Variants in TDRKH observed in about 807,000 individuals in gnomAD.
TDRKH encodes the protein tudor and KH domain containing.
TDRKH carries 28 observed loss-of-function variants against 61.3 expected under a neutral mutation model. The observed-to-expected ratio is 0.46, with a 90% CI of 0.34 to 0.63. The LOEUF is 0.63. TDRKH is among the 20% of genes least tolerant of loss of function. The pLI is 0.01. For missense variants in TDRKH, 540 were observed against 683.4 expected, an observed-to-expected ratio of 0.79 and a Z score of 2.34; for synonymous variants, 219 against 244.4, an observed-to-expected ratio of 0.90 and a Z score of 0.97.
chr1:151,780,143 G>A lies in TDRKH; in HGVS notation c.232-3C>T. On this transcript the variant is annotated splice_polypyrimidine_tract_variant and splice_region_variant and intron_variant, in intron 3 of 12. Transcript: ENST00000368824. ...CGAGCACCTGTCTGTTTCCGCAGCT[G>A]CAAAGAAAAGGACATTTGGCAGTAC... The A allele has an allele frequency of 1.2e-6, 2 of 1,608,036 alleles. No homozygotes were observed. The highest frequency in any genetic ancestry group is 1.7e-6 in the Non-Finnish European group (2 of 1,174,958).
downstream of TDRKH, chr1:151,767,098 T>C (rs1648391183): frequency 6.3e-7 from 1 of 1,589,390 alleles, no homozygotes; most frequent in Non-Finnish European, 8.6e-7. Flanking sequence ...TGCCAGAGCC[T>C]GGTACTGTGT....
intron 11 of TDRKH, 79 bp from the exon 12 acceptor site, chr1:151,774,885 T>C (rs1380232411): frequency 7.9e-6 from 12 of 1,517,326 alleles, no homozygotes; most frequent in South Asian, 7.9e-5. Context: ...ATTCTTCTCA[T>C]AGGACCTGGT....
intron 4 of TDRKH, 74 bp from the exon 5 acceptor site, chr1:151,779,316 G>T: frequency 1.3e-6 from 2 of 1,545,546 alleles, no homozygotes; most frequent in Non-Finnish European, 1.7e-6. Flanking sequence ...TCACTGTTTT[G>T]TATATACTAG....
In TDRKH at chr1:151,775,942, C is replaced by T. The variant is rs145678897; in HGVS notation, c.1218-58G>A. The stretch of plus-strand genomic sequence containing the variant: ...GGGCCAAAAACATCTTCTTACATTG[C>T]TGCTTTCAGAAAGAACCAACTAACA... On this transcript the variant is annotated intron_variant, in intron 8 of 12. Transcript: ENST00000368824. The T allele has an allele frequency of 4.9e-4, 780 of 1,593,118 alleles. 3 individuals carry two copies. In the African/African-American group the frequency reaches 8.9e-3, roughly 18 times the overall value.
chr1:151,769,264 A>AG (rs2101557972), downstream of TDRKH: 1 of 132,388 alleles, frequency 7.6e-6, no homozygotes, highest in South Asian at 2.5e-4. Context: ...CACCTCCCGG[A>AG]GGGGGCGGTG....
At position 151,775,119 on chromosome 1, in the gene TDRKH, C is replaced by G. The variant is rs371343070; in HGVS notation, c.1482G>C (p.Glu494Asp). 1.2e-6 allele frequency: 2 copies of G among 1,614,052 alleles called. No individual in the cohort carries two copies. Among genetic ancestry groups the G allele is most frequent in the Non-Finnish European group, 1.7e-6 (2 of 1,180,038 alleles). Residue 494 changes from glutamate to aspartate, a missense_variant, in exon 11 of 13, where the codon GAG (glutamate) becomes GAC (aspartate). Glu to Asp is a conservative substitution (Grantham distance 45, BLOSUM62 2). This residue lies in a region of TDRKH where 379 missense variants were observed against 443.8 expected (regional missense o/e 0.85). Transcript: ENST00000368824. ...LELVHKGYAI[E>D]LPEDIEENRA... is the part of the protein sequence containing the mutation. ...TGTTTTCTTCTATGTCTTCAGGAAG[C>G]TCAATTGCGTATCCTTTGTGTACTA...
At chr1:151,774,933 G>A in intron 11 of TDRKH, 127 bp from the exon 12 acceptor site, 1 of 1,355,514 alleles carries the variant, frequency 7.4e-7, no homozygotes, top group Non-Finnish European at 1.0e-6. Context: ...GGGACAAAAT[G>A]CTCCTTTGGT....
chr1:151,770,720 T>C (rs1298756382), downstream of TDRKH, among the ~76,000 whole-genome samples: 2 of 152,234 alleles, frequency 1.3e-5, no homozygotes, highest in African/African-American at 2.4e-5. Flanking sequence ...AAGTGATAGA[T>C]ACTATTTCAG....
downstream of TDRKH, chr1:151,769,629 G>T (rs2460997): frequency 1.8e-5 from 4 of 220,002 alleles, no homozygotes; most frequent in Non-Finnish European, 3.7e-5. Flanking sequence ...CATCCCAGAC[G>T]ATGGGCGGCC....
rs750588888 is a variant in TDRKH, at chr1:151,775,865, G to A, written c.1237C>T (p.Pro413Ser). 3.7e-6 allele frequency: 6 copies of A among 1,613,208 alleles called. No homozygotes were observed. In the South Asian group the frequency reaches 6.6e-5, roughly 18 times the overall value. The stretch of plus-strand genomic sequence containing the variant: ...AGACTACATTCTATTGCTTGAAATG[G>A]AAGGCTTAGGAAGTCACTCCTGAAG... ...RALRSDFLSL[P>S]FQAIECSLAR... The change falls in exon 9 of 13, where the codon CCA becomes TCA. Residue 413 changes from proline (P) to serine (S), a missense_variant. Coordinates refer to ENST00000368824, the MANE Select transcript of TDRKH (RefSeq NM_001083965.2).
chr1:151,774,521 A>G lies in TDRKH; in HGVS notation c.1634-17T>C. 1 of 1,613,904 alleles carries G rather than the reference A, an allele frequency of 6.2e-7. No homozygotes were observed. Among genetic ancestry groups the G allele is most frequent in the Non-Finnish European group, 8.5e-7 (1 of 1,179,796 alleles). On this transcript the variant is annotated splice_polypyrimidine_tract_variant and intron_variant, in intron 12 of 12. Coordinates refer to ENST00000368824, the MANE Select transcript of TDRKH (RefSeq NM_001083965.2). ...AAGCAGCTTCTATTGAAGATAAATA[A>G]GAAGGAGAAAGTTAGACACTGCCCT...
intron 4 of TDRKH, 112 bp downstream of exon 4, chr1:151,779,839 T>G (rs534424649): frequency 2.6e-6 from 3 of 1,157,078 alleles, no homozygotes; most frequent in Non-Finnish European, 3.6e-6. Flanking sequence ...TGTCCCTTTT[T>G]TTCCCCTCAC....
chr1:151,772,617 A>G (rs1285963799), downstream of TDRKH, among the ~76,000 whole-genome samples: 1 of 152,180 alleles, frequency 6.6e-6, no homozygotes, highest in East Asian at 1.9e-4. Flanking sequence ...ATACATTTAT[A>G]TTTACTTTCA....
intron 3 of TDRKH, 29 bp from the exon 4 acceptor site, chr1:151,780,169 A>C: frequency 6.3e-7 from 1 of 1,596,282 alleles, no homozygotes; most frequent in Non-Finnish European, 8.6e-7. Context: ...TTGGCAGTAC[A>C]TTCTGGAAGA....
At chr1:151,768,994 T>C (rs1191702417), downstream of TDRKH, among the ~76,000 whole-genome samples, 1 of 152,142 alleles carries the variant, frequency 6.6e-6, no homozygotes, top group Non-Finnish European at 1.5e-5. Flanking sequence ...AGGTTATAGA[T>C]TAACAGCATC....
downstream of TDRKH, chr1:151,767,564 T>A: frequency 3.8e-6 from 2 of 529,600 alleles, no homozygotes; most frequent in Non-Finnish European, 2.9e-6. Flanking sequence ...TTCTGGGACA[T>A]AAAGCTGTTT....
At chr1:151,770,525 GC>G, downstream of TDRKH, 1 of 400,178 alleles carries the variant, frequency 2.5e-6, no homozygotes, top group Non-Finnish European at 4.5e-6. Context: ...AAGGGATGTG[GC>G]CAGCAGGACA....
At chr1:151,773,155 G>C (rs1032524701), downstream of TDRKH, among the ~76,000 whole-genome samples, 1 of 152,142 alleles carries the variant, frequency 6.6e-6, no homozygotes, top group Non-Finnish European at 1.5e-5. Context: ...CAATTCTCCT[G>C]CCTCAGCCTC....
At chr1:151,770,227 G>A (rs778374743), downstream of TDRKH, 11 of 1,613,744 alleles carry the variant, frequency 6.8e-6, 1 homozygote, top group African/African-American at 1.3e-5. Flanking sequence ...CTCTGTGTTT[G>A]TGAACTTCCA....
Sources: gnomAD v4.1 joint callset for allele counts (sites outside exome capture counted in the v4.1 genomes callset) on GRCh38, gnomAD v4.1.1 for gene constraint, gnomAD v4.1.1 regional missense constraint, MANE v1.5 for transcripts, NCBI Gene and HGNC (gene_info 2026-07-23, HGNC 2026-07-21) for gene names.